Variants in KIAA1328 observed in about 807,000 individuals in gnomAD.
KIAA1328 encodes protein hinderin.
A neutral mutation model predicts 68.1 loss-of-function variants in KIAA1328; 52 were observed. The ratio of observed to expected loss-of-function variants is 0.76; its 90% confidence interval spans 0.61 to 0.96. The LOEUF (loss-of-function observed/expected upper bound fraction) is 0.96. KIAA1328 is among the 40% of genes least tolerant of loss of function. KIAA1328 has a pLI of 0.00. For synonymous variants in KIAA1328, 232 were observed against 239.4 expected, an observed-to-expected ratio of 0.97 and a Z score of 0.28; for missense variants, 641 against 677.6, an observed-to-expected ratio of 0.95 and a Z score of 0.60.
intron 6 of KIAA1328, among the ~76,000 whole-genome samples, chr18:37,056,375 T>C (rs2055907309): frequency 6.6e-6 from 1 of 152,138 alleles, no homozygotes; most frequent in African/African-American, 2.4e-5. Context: ...TCTTCAATAT[T>C]AGAAAATCCT....
chr18:36,858,310 A>G (rs2047446703), intron 4 of KIAA1328, among the ~76,000 whole-genome samples: 1 of 152,158 alleles, frequency 6.6e-6, no homozygotes, highest in South Asian at 2.1e-4. Context: ...TAATATATCC[A>G]TGGCAGCTTT....
intron 7 of KIAA1328, among the ~76,000 whole-genome samples, chr18:37,095,298 C>T (rs545534240): frequency 9.8e-5 from 15 of 152,298 alleles, no homozygotes; most frequent in Non-Finnish European, 1.8e-4. Context: ...CGTCAGCACA[C>T]AGAACATTCT....
intron 7 of KIAA1328, chr18:37,075,090 G>C (rs1297411634): frequency 2.0e-5 from 3 of 151,928 alleles, no homozygotes; most frequent in Non-Finnish European, 4.4e-5. Context: ...GAGAAAGGTT[G>C]GGTTACCCAC....
rs371973260 is a variant in KIAA1328, at chr18:37,148,124, TC to T, written c.1233-12070del. Among the ~76,000 whole-genome samples the T allele has an allele frequency of 1.7e-3, 254 of 152,004 alleles. 1 individual carries two copies. The highest frequency in any genetic ancestry group is 5.6e-3 in the African/African-American group (233 of 41,470). Reference sequence around the variant, plus strand: ...TAGCTATTTTTCCTAATGCTCTCCCTCCCCCCACCACACCTCCCAACAGGCC... The same window carrying T: ...TAGCTATTTTTCCTAATGCTCTCCCTCCCCCACCACACCTCCCAACAGGCC... On this transcript the variant is annotated intron_variant, in intron 7 of 9. Transcript: ENST00000280020.
At chr18:37,075,847 C>A (rs2056711509) in intron 7 of KIAA1328, among the ~76,000 whole-genome samples, 1 of 152,190 alleles carries the variant, frequency 6.6e-6, no homozygotes. Flanking sequence ...TCCTGAGTGA[C>A]CTACAAAGAG....
At chr18:36,876,020 T>G (rs1176608867) in intron 4 of KIAA1328, among the ~76,000 whole-genome samples, 1 of 152,214 alleles carries the variant, frequency 6.6e-6, no homozygotes, top group East Asian at 1.9e-4. Flanking sequence ...TGAAGCTGAC[T>G]TGATCTTGGT....
chr18:37,026,016 G>A (rs1015307146), intron 6 of KIAA1328, among the ~76,000 whole-genome samples: 6 of 151,884 alleles, frequency 4.0e-5, no homozygotes, highest in South Asian at 4.2e-4. Flanking sequence ...TCCAATAGAC[G>A]CAATAAAAAA....
At chr18:36,851,213 G>A (rs940811412) in intron 4 of KIAA1328, among the ~76,000 whole-genome samples, 3 of 151,964 alleles carry the variant, frequency 2.0e-5, no homozygotes, top group Admixed American at 6.6e-5. Flanking sequence ...TGGTTTGCTG[G>A]CATTTTGTTG....
intron 9 of KIAA1328, among the ~76,000 whole-genome samples, chr18:37,173,749 C>G (rs889877641): frequency 6.6e-6 from 1 of 152,178 alleles, no homozygotes; most frequent in Non-Finnish European, 1.5e-5. Context: ...AGTCCATTGG[C>G]TTTGCAAAGT....
intron 5 of KIAA1328, among the ~76,000 whole-genome samples, chr18:36,912,340 G>A (rs1486021151): frequency 6.6e-6 from 1 of 152,030 alleles, no homozygotes; most frequent in Non-Finnish European, 1.5e-5. Context: ...TCTTCTTCAG[G>A]CTGCCCATAT....
At chr18:36,948,554 CTT>C (rs528683320) in intron 5 of KIAA1328, among the ~76,000 whole-genome samples, 11 of 133,748 alleles carry the variant, frequency 8.2e-5, no homozygotes, top group Non-Finnish European at 9.7e-5. Context: ...GCCACCACGC[CTT>C]TTTTTTTTTT....
At chr18:37,220,172 C>T (rs1383356565) in intron 9 of KIAA1328, among the ~76,000 whole-genome samples, 1 of 152,160 alleles carries the variant, frequency 6.6e-6, no homozygotes, top group Non-Finnish European at 1.5e-5. Flanking sequence ...TCTTCATACA[C>T]ATTAGTTTCA....
chr18:37,228,557 C>T (rs192702753), downstream of KIAA1328, among the ~76,000 whole-genome samples: 94 of 152,300 alleles, frequency 6.2e-4, no homozygotes, highest in African/African-American at 2.1e-3. Flanking sequence ...TGGTGGCTCA[C>T]GCCTGTAATC....
intron 6 of KIAA1328, among the ~76,000 whole-genome samples, chr18:36,976,510 A>G (rs2052478703): frequency 1.3e-5 from 2 of 152,172 alleles, no homozygotes; most frequent in Non-Finnish European, 2.9e-5. Flanking sequence ...AAGTAGATCC[A>G]TGTCTTCTTT....
At chr18:36,982,833 A>G (rs1362468672) in intron 6 of KIAA1328, among the ~76,000 whole-genome samples, 1 of 152,010 alleles carries the variant, frequency 6.6e-6, no homozygotes, top group Non-Finnish European at 1.5e-5. Context: ...AGTAAAATGT[A>G]TAAGAAATAT....
chr18:36,888,531 CA>C (rs2150991425), intron 5 of KIAA1328, among the ~76,000 whole-genome samples: 1 of 151,952 alleles, frequency 6.6e-6, no homozygotes, highest in South Asian at 2.1e-4. Flanking sequence ...ATATCATTGT[CA>C]AAAATTAAAA....
chr18:37,095,669 A>T (rs959574420), intron 7 of KIAA1328, among the ~76,000 whole-genome samples: 1 of 152,204 alleles, frequency 6.6e-6, no homozygotes. Flanking sequence ...AACTAAATGA[A>T]ATATGGGCTA....
intron 6 of KIAA1328, among the ~76,000 whole-genome samples, chr18:36,974,470 A>T (rs904289853): frequency 2.0e-5 from 3 of 152,190 alleles, no homozygotes; most frequent in African/African-American, 7.2e-5. Context: ...ACTGCAGTAG[A>T]CATAATTGCA....
chr18:36,948,857 A>G (rs184817092), intron 5 of KIAA1328, among the ~76,000 whole-genome samples: 12 of 152,260 alleles, frequency 7.9e-5, no homozygotes, highest in African/African-American at 2.4e-4. Context: ...ACTTTTTTTA[A>G]AGAGCTTTCA....
Sources: allele counts gnomAD v4.1 joint callset (sites outside exome capture counted in the v4.1 genomes callset), GRCh38; gene constraint gnomAD v4.1.1; transcripts MANE v1.5; gene names NCBI Gene and HGNC (gene_info 2026-07-23, HGNC 2026-07-21).